The following DOCK3 variants were observed in gnomAD, a reference collection of about 807,000 sequenced individuals.
DOCK3 encodes the protein dedicator of cytokinesis protein 3.
In DOCK3, 60 loss-of-function variants were observed where a neutral mutation model predicts 265.6. The observed-to-expected ratio is 0.23, with a 90% confidence interval of 0.18 to 0.28. DOCK3 has a LOEUF of 0.28. Among genes scored for constraint, DOCK3 ranks in the 10% least tolerant of loss-of-function variants. The pLI is 1.00. For missense variants in DOCK3, 1,981 were observed against 2,594.3 expected, an observed-to-expected ratio of 0.76 and a Z score of 5.14; for synonymous variants, 881 against 938.0, an observed-to-expected ratio of 0.94 and a Z score of 1.11.
rs536256175 is a variant in DOCK3 at position 50,695,073 on chromosome 3, A to C, written c.37+19773A>C. 7.2e-5 allele frequency among the ~76,000 whole-genome samples: 11 copies of C among 152,300 alleles called. No individual in the cohort carries two copies. The East Asian group carries it at 1.9e-3, about 27-fold the overall frequency. On this transcript the variant is annotated intron_variant, in intron 1 of 52. Transcript: ENST00000266037. ...TAACGTCTTTAGATAAAAATAATGC[A>C]ATCTTTTTAGAAGCTTCTACATATC...
At chr3:50,711,397 G>A (rs1420974778) in intron 1 of DOCK3, among the ~76,000 whole-genome samples, 1 of 151,728 alleles carries the variant, frequency 6.6e-6, no homozygotes, top group Non-Finnish European at 1.5e-5. Flanking sequence ...GAGTAGCTGG[G>A]ACTACAGGTG....
chr3:50,767,571 C>T (rs920237085), intron 1 of DOCK3, among the ~76,000 whole-genome samples: 1 of 152,070 alleles, frequency 6.6e-6, no homozygotes, highest in Non-Finnish European at 1.5e-5. Context: ...CAGCTTTGTT[C>T]TTGTGGCTTA....
At chr3:51,319,679 A>G (rs1426091359) in intron 32 of DOCK3, among the ~76,000 whole-genome samples, 2 of 152,128 alleles carry the variant, frequency 1.3e-5, no homozygotes, top group Non-Finnish European at 2.9e-5. Flanking sequence ...ATCCTGGCCA[A>G]CATGGTGAAA....
chr3:51,381,391 C>G lies in DOCK3; in HGVS notation c.5925C>G (p.Pro1975=), dbSNP rs782045477. Residue 1975 remains proline (P), a synonymous_variant, in exon 53 of 53, where the codon CCC becomes CCG. Transcript: ENST00000266037. This position sits in a 1 kb window ranked among gnomAD's most constrained non-coding sequence, Gnocchi z 5.6. ...CCATGGACCCGCCTGCGCTGCCGCC[C>G]AAGCCCTACCACCCCCGCCTGCCGG... ...QDPMDPPALP[P]KPYHPRLPAL... is the part of the protein sequence containing the mutation. 6.2e-7 allele frequency: 1 copy of G among 1,612,668 alleles called. No homozygotes were observed. The highest frequency in any genetic ancestry group is 1.1e-5 in the South Asian group (1 of 91,054).
At chr3:51,253,198 A>C (rs1239216161) in intron 22 of DOCK3, among the ~76,000 whole-genome samples, 1 of 152,268 alleles carries the variant, frequency 6.6e-6, no homozygotes, top group Non-Finnish European at 1.5e-5. Flanking sequence ...CCAGCCTTGC[A>C]TCAAAGGATG....
chr3:51,041,664 C>G (rs780927145), intron 5 of DOCK3, among the ~76,000 whole-genome samples: 2 of 152,114 alleles, frequency 1.3e-5, no homozygotes, highest in African/African-American at 2.4e-5. Context: ...GGTGTACTTT[C>G]AAAGAGCAGT....
chr3:50,804,044 C>T (rs1409091174), intron 2 of DOCK3, among the ~76,000 whole-genome samples: 1 of 150,912 alleles, frequency 6.6e-6, no homozygotes, highest in East Asian at 2.0e-4. Flanking sequence ...GGCAGAGACA[C>T]TCCTTAGTTC....
chr3:50,924,077 T>C (rs999492302), intron 4 of DOCK3, among the ~76,000 whole-genome samples: 1 of 152,234 alleles, frequency 6.6e-6, no homozygotes, highest in Non-Finnish European at 1.5e-5. Context: ...GAATCTCAGC[T>C]TCAATATAAT....
intron 1 of DOCK3, among the ~76,000 whole-genome samples, chr3:50,688,036 G>T (rs2034956204): frequency 6.6e-6 from 1 of 152,092 alleles, no homozygotes; most frequent in South Asian, 2.1e-4. Context: ...TTATTTATTT[G>T]TCTAATTATA....
At chr3:50,778,508 A>G (rs2041735430) in intron 1 of DOCK3, among the ~76,000 whole-genome samples, 167 bp from the exon 2 acceptor site, 1 of 152,108 alleles carries the variant, frequency 6.6e-6, no homozygotes, top group Non-Finnish European at 1.5e-5. Context: ...TGCTAATATT[A>G]TTTTTCAAAA....
At chr3:50,797,453 T>A (rs2108648166) in intron 2 of DOCK3, among the ~76,000 whole-genome samples, 1 of 152,348 alleles carries the variant, frequency 6.6e-6, no homozygotes. Flanking sequence ...CAGCTGTGTC[T>A]GGTTGGTCAT....
chr3:51,137,967 A>G (rs2084880584), intron 9 of DOCK3, among the ~76,000 whole-genome samples: 1 of 152,234 alleles, frequency 6.6e-6, no homozygotes, highest in South Asian at 2.1e-4. Flanking sequence ...CCTTTGAAGA[A>G]TACGAGTACT....
chr3:50,973,366 C>T (rs2077318110), intron 5 of DOCK3, among the ~76,000 whole-genome samples: 1 of 144,216 alleles, frequency 6.9e-6, no homozygotes, highest in African/African-American at 2.6e-5. Context: ...TCAATTCCCA[C>T]CTATGAGTGA....
intron 5 of DOCK3, among the ~76,000 whole-genome samples, chr3:50,983,637 G>A (rs926922740): frequency 4.6e-5 from 7 of 152,126 alleles, no homozygotes; most frequent in African/African-American, 1.7e-4. Context: ...GCTGCCCACT[G>A]TGAGTCTCCT....
intron 5 of DOCK3, among the ~76,000 whole-genome samples, chr3:50,967,319 T>C (rs369062960): frequency 1.3e-5 from 2 of 152,226 alleles, no homozygotes; most frequent in Non-Finnish European, 2.9e-5. Context: ...GACCACTAGA[T>C]CCAACCATGT....
chr3:50,878,422 G>C (rs1559758269), intron 3 of DOCK3, among the ~76,000 whole-genome samples: 1 of 152,198 alleles, frequency 6.6e-6, no homozygotes, highest in Non-Finnish European at 1.5e-5. Context: ...AAACAGTGTA[G>C]AGAAGACCTT....
At chr3:50,752,384 C>G (rs1447019576) in intron 1 of DOCK3, among the ~76,000 whole-genome samples, 1 of 152,014 alleles carries the variant, frequency 6.6e-6, no homozygotes, top group Non-Finnish European at 1.5e-5. Flanking sequence ...TGGTGTGCAC[C>G]TGTAGTCCCA....
chr3:51,166,308 C>T (rs1455717168), intron 12 of DOCK3, among the ~76,000 whole-genome samples: 2 of 152,140 alleles, frequency 1.3e-5, no homozygotes, highest in African/African-American at 4.8e-5. Context: ...GCCTCAGCCT[C>T]CCAAAGTGCT....
At chr3:50,709,748 C>T (rs1284830539) in intron 1 of DOCK3, among the ~76,000 whole-genome samples, 1 of 152,122 alleles carries the variant, frequency 6.6e-6, no homozygotes, top group Non-Finnish European at 1.5e-5. Context: ...ATCACTTGAA[C>T]CCGCGAGGTG....
Sources: allele counts gnomAD v4.1 joint callset (sites outside exome capture counted in the v4.1 genomes callset), GRCh38; gene constraint gnomAD v4.1.1; non-coding constraint Gnocchi (gnomAD v3.1); transcripts MANE v1.5; gene names NCBI Gene and HGNC (gene_info 2026-07-23, HGNC 2026-07-21).